PALM2AKAP2: variants seen among roughly 807,000 people sequenced by gnomAD.
PALM2AKAP2 encodes the protein PALM2-AKAP2 fusion protein.
In PALM2AKAP2, 37 loss-of-function variants were observed where a neutral mutation model predicts 71.5. The observed-to-expected ratio is 0.52, with a 90% CI of 0.40 to 0.68. PALM2AKAP2 has a LOEUF of 0.68. Ranked by LOEUF, PALM2AKAP2 falls within the 30% of genes least tolerant of loss-of-function variation. The probability of loss-of-function intolerance (pLI) is 0.00; values close to 1 mark genes in which losing one functional copy is unlikely to be tolerated. For synonymous variants in PALM2AKAP2, 468 were observed against 478.8 expected (o/e 0.98, Z 0.29); for missense variants, 1,224 against 1,191.8 (o/e 1.03, Z -0.40).
At position 109,819,772 on chromosome 9, in the gene PALM2AKAP2, A is replaced by T. The variant is rs532403709; in HGVS notation, c.45+39239A>T. 2.0e-5 allele frequency among the ~76,000 whole-genome samples: 3 copies of T among 151,924 alleles called. No individual in the cohort carries two copies. In the South Asian group the frequency reaches 6.3e-4, roughly 32 times the overall value. ...AAGCTCTTTTTCCTTTCTCCATAGC[A>T]CTGCATATACAAAGATCAGCCACCC... On this transcript the variant is annotated intron_variant, in intron 1 of 9. Coordinates refer to the PALM2AKAP2 transcript ENST00000302798.
intron 6 of PALM2AKAP2, among the ~76,000 whole-genome samples, chr9:110,015,372 G>C (rs1174776599): frequency 1.3e-5 from 2 of 152,338 alleles, no homozygotes; most frequent in Middle Eastern, 3.4e-3. Context: ...GCCAAGGTGG[G>C]TGGATCACCG....
chr9:109,943,563 T>G, intron 6 of PALM2AKAP2: 6 of 1,255,686 alleles, frequency 4.8e-6, no homozygotes, highest in Non-Finnish European at 5.5e-6. Flanking sequence ...CTTTGATCTC[T>G]CTCATTTTTT....
chr9:109,775,633 G>C (rs1308759242), upstream of PALM2AKAP2, among the ~76,000 whole-genome samples: 1 of 152,234 alleles, frequency 6.6e-6, no homozygotes, highest in African/African-American at 2.4e-5. Context: ...AAACATTTGA[G>C]GGGATCCTGG....
intron 1 of PALM2AKAP2, among the ~76,000 whole-genome samples, chr9:109,726,192 T>C (rs192703981): frequency 6.6e-5 from 10 of 152,322 alleles, no homozygotes; most frequent in Non-Finnish European, 2.9e-5. Flanking sequence ...CACTTGAGCA[T>C]AGACATATGA....
chr9:109,968,391 C>A (rs1376745215), intron 6 of PALM2AKAP2, among the ~76,000 whole-genome samples: 2 of 152,194 alleles, frequency 1.3e-5, no homozygotes, highest in Non-Finnish European at 2.9e-5. Flanking sequence ...ATAATGATAT[C>A]TCATTTCTAA....
chr9:110,053,893 C>T (rs1833771343), intron 1 of PALM2AKAP2, among the ~76,000 whole-genome samples: 1 of 152,154 alleles, frequency 6.6e-6, no homozygotes, highest in Non-Finnish European at 1.5e-5. Context: ...TGCTTTGAAC[C>T]CTTCTTTTTT....
intron 1 of PALM2AKAP2, among the ~76,000 whole-genome samples, chr9:109,827,134 T>C (rs1358504290): frequency 6.6e-6 from 1 of 152,212 alleles, no homozygotes; most frequent in Non-Finnish European, 1.5e-5. Flanking sequence ...GTCTCACTGC[T>C]ATTCGGTGAC....
intron 1 of PALM2AKAP2, among the ~76,000 whole-genome samples, chr9:110,130,663 G>A (rs1397268750): frequency 1.3e-5 from 2 of 152,150 alleles, no homozygotes; most frequent in East Asian, 1.9e-4. Context: ...AGACAGATGT[G>A]GCAACTTTAT....
chr9:109,671,849 T>G (rs1827578439), intron 1 of PALM2AKAP2, among the ~76,000 whole-genome samples: 1 of 152,114 alleles, frequency 6.6e-6, no homozygotes, highest in Non-Finnish European at 1.5e-5. Flanking sequence ...ATTTTATTAT[T>G]TTTGTGGCAA....
chr9:110,156,936 C>G (rs1270224785), intron 3 of PALM2AKAP2, among the ~76,000 whole-genome samples: 7 of 152,124 alleles, frequency 4.6e-5, no homozygotes, highest in Non-Finnish European at 1.0e-4. Flanking sequence ...CTAGGCAATC[C>G]CTAACAATGT....
intron 1 of PALM2AKAP2, among the ~76,000 whole-genome samples, chr9:110,064,007 C>T (rs28540608): frequency 0.015 from 2,337 of 152,184 alleles, 45 homozygotes; most frequent in African/African-American, 0.054. Flanking sequence ...AACCTGGAGC[C>T]CCTCTTCTCT....
intron 3 of PALM2AKAP2, 106 bp downstream of exon 10, chr9:110,162,238 T>G (rs751227665): frequency 2.0e-6 from 3 of 1,510,008 alleles, no homozygotes; most frequent in Non-Finnish European, 2.8e-6. Flanking sequence ...GCAAGAAAAA[T>G]GACTTGTCTC....
At chr9:109,847,676 G>C (rs1313090855) in intron 1 of PALM2AKAP2, 1 of 151,648 alleles carries the variant, frequency 6.6e-6, no homozygotes, top group African/African-American at 2.4e-5. Context: ...AGGAGGCAGA[G>C]CTTGCAGTGA....
At chr9:109,691,680 A>C (rs1483351595) in intron 1 of PALM2AKAP2, among the ~76,000 whole-genome samples, 1 of 150,908 alleles carries the variant, frequency 6.6e-6, no homozygotes, top group African/African-American at 2.4e-5. Context: ...CCTCCTTCTC[A>C]CAAGACTCTT....
intron 1 of PALM2AKAP2, among the ~76,000 whole-genome samples, chr9:110,056,928 T>C (rs1008102540): frequency 1.3e-5 from 2 of 152,154 alleles, no homozygotes; most frequent in Non-Finnish European, 2.9e-5. Context: ...GTGAGTGGCG[T>C]AGAGGGTGTT....
chr9:109,874,263 T>C (rs1735879891), intron 2 of PALM2AKAP2, among the ~76,000 whole-genome samples: 1 of 152,008 alleles, frequency 6.6e-6, no homozygotes, highest in African/African-American at 2.4e-5. Context: ...AGCTGAAAAA[T>C]AGTTTTCCAT....
chr9:110,132,901 T>G (rs952302346), intron 1 of PALM2AKAP2, among the ~76,000 whole-genome samples: 6 of 152,230 alleles, frequency 3.9e-5, no homozygotes, highest in Non-Finnish European at 8.8e-5. Flanking sequence ...TGAGCTATTA[T>G]TGCACCCTGC....
intron 6 of PALM2AKAP2, chr9:109,945,804 A>G (rs947208081): frequency 1.3e-5 from 2 of 152,244 alleles, no homozygotes; most frequent in African/African-American, 4.8e-5. Flanking sequence ...ATCCTTGCAT[A>G]AGTGAACTAG....
intron 1 of PALM2AKAP2, among the ~76,000 whole-genome samples, chr9:109,689,076 A>T (rs1156420119): frequency 6.6e-6 from 1 of 152,194 alleles, no homozygotes; most frequent in African/African-American, 2.4e-5. Flanking sequence ...TCACATTCCC[A>T]TAAGAGGGCT....
Sources: gnomAD v4.1 joint callset for allele counts (sites outside exome capture counted in the v4.1 genomes callset) on GRCh38, gnomAD v4.1.1 for gene constraint, MANE v1.5 for transcripts, NCBI Gene and HGNC (gene_info 2026-07-23, HGNC 2026-07-21) for gene names.